Variants in ERC2 observed in about 807,000 individuals in gnomAD.
The protein encoded by ERC2 is ERC protein 2.
ERC2 carries 42 observed loss-of-function variants against 114.8 expected under a neutral mutation model. The ratio of observed to expected loss-of-function variants is 0.37; its 90% CI spans 0.29 to 0.47. ERC2 has a LOEUF of 0.47. Ranked by LOEUF, ERC2 falls within the 20% of genes least tolerant of loss-of-function variation. The pLI, the probability that ERC2 is intolerant of heterozygous loss-of-function variation, is 0.99. For synonymous variants in ERC2, 454 were observed against 425.5 expected (o/e 1.07, Z -0.82); for missense variants, 939 against 1,150.7 (o/e 0.82, Z 2.66).
chr3:56,019,431 A>G (rs2073547317), intron 7 of ERC2, among the ~76,000 whole-genome samples: 1 of 152,234 alleles, frequency 6.6e-6, no homozygotes, highest in Admixed American at 6.5e-5. Flanking sequence ...TGGAGAGCCC[A>G]TTCTGCACCA....
At chr3:55,583,544 TCTTCCTTCCTTCCTTCCTTCCTTC>T (rs377125700) in intron 17 of ERC2, among the ~76,000 whole-genome samples, 1 of 39,026 alleles carries the variant, frequency 2.6e-5, no homozygotes, top group Non-Finnish European at 4.6e-5. Flanking sequence ...TTCCTTCCTT[TCTTCCTTCCTTCCTTCCTTCCTTC>T]CTTCCTTCCT....
chr3:55,950,890 T>G (rs1033141867), intron 12 of ERC2, among the ~76,000 whole-genome samples: 3 of 152,104 alleles, frequency 2.0e-5, no homozygotes, highest in African/African-American at 7.2e-5. Context: ...TAGCATGCTG[T>G]GAGAGACAGT....
rs531005742 is a variant in ERC2 at position 55,939,889 on chromosome 3, C to T, written c.2403+10536G>A. On this transcript the variant is annotated intron_variant, in intron 13 of 17. Coordinates refer to ENST00000288221, the MANE Select transcript of ERC2 (RefSeq NM_015576.3). ...ACTGTCAGAGTTCTAATCCATCTTG[C>T]ACCAAAAAAGTAACAATTGGTGGAT... Among the ~76,000 whole-genome samples the T allele has an allele frequency of 3.9e-5, 6 of 152,294 alleles. No individual in the cohort carries two copies. The South Asian group carries it at 8.3e-4, about 21-fold the overall frequency.
intron 6 of ERC2, among the ~76,000 whole-genome samples, chr3:56,113,589 A>G (rs1344220748): frequency 1.3e-5 from 2 of 152,164 alleles, no homozygotes; most frequent in Non-Finnish European, 2.9e-5. Flanking sequence ...TCTGACACCA[A>G]ATGTATGGGG....
chr3:56,117,643 T>G (rs555256781), intron 6 of ERC2, among the ~76,000 whole-genome samples: 2 of 151,980 alleles, frequency 1.3e-5, no homozygotes, highest in Non-Finnish European at 2.9e-5. Flanking sequence ...GCAGGTAGAG[T>G]GTGGGCATGA....
intron 2 of ERC2, among the ~76,000 whole-genome samples, chr3:56,363,931 G>A (rs1017398350): frequency 6.6e-6 from 1 of 151,964 alleles, no homozygotes; most frequent in Non-Finnish European, 1.5e-5. Flanking sequence ...GGGAAGGAAA[G>A]CAAGGGAATG....
At chr3:56,463,363 C>T (rs1372152345) in intron 1 of ERC2, among the ~76,000 whole-genome samples, 1 of 152,202 alleles carries the variant, frequency 6.6e-6, no homozygotes, top group Non-Finnish European at 1.5e-5. Context: ...AGTATACCAC[C>T]CACGTGTGTC....
intron 3 of ERC2, among the ~76,000 whole-genome samples, chr3:56,222,407 C>T (rs2049970244): frequency 6.6e-6 from 1 of 152,188 alleles, no homozygotes; most frequent in African/African-American, 2.4e-5. Flanking sequence ...TCATGGAACA[C>T]CATGGACACA....
chr3:55,959,242 T>A (rs975491916), intron 12 of ERC2, among the ~76,000 whole-genome samples: 1 of 152,218 alleles, frequency 6.6e-6, no homozygotes, highest in Non-Finnish European at 1.5e-5. Context: ...ATTTTCCTTG[T>A]AGATATTTCA....
intron 14 of ERC2, among the ~76,000 whole-genome samples, chr3:55,787,841 C>T (rs2069638637): frequency 6.6e-6 from 1 of 152,176 alleles, no homozygotes; most frequent in South Asian, 2.1e-4. Flanking sequence ...AAGTGGCATC[C>T]TCCTGAAACA....
At chr3:56,038,395 G>T (rs553440238) in intron 7 of ERC2, among the ~76,000 whole-genome samples, 21 of 152,090 alleles carry the variant, frequency 1.4e-4, no homozygotes, top group African/African-American at 5.1e-4. Flanking sequence ...ACTATCTCAC[G>T]CCAGTCAAAT....
chr3:56,275,925 G>T (rs1166503764), intron 3 of ERC2, among the ~76,000 whole-genome samples: 1 of 152,186 alleles, frequency 6.6e-6, no homozygotes, highest in Non-Finnish European at 1.5e-5. Flanking sequence ...CCCCAGCAAA[G>T]AACTATCCAG....
At chr3:56,370,769 A>G (rs1212806119) in intron 2 of ERC2, among the ~76,000 whole-genome samples, 1 of 151,500 alleles carries the variant, frequency 6.6e-6, no homozygotes, top group East Asian at 1.9e-4. Flanking sequence ...TAATTTTTGT[A>G]TGTTTAGTAG....
chr3:55,750,150 G>A (rs1291040164), intron 14 of ERC2, among the ~76,000 whole-genome samples: 1 of 133,528 alleles, frequency 7.5e-6, no homozygotes, highest in East Asian at 2.2e-4. Flanking sequence ...AACTGATCTG[G>A]TAAAGAAAAA....
At chr3:56,454,395 A>G (rs17825469) in intron 1 of ERC2, among the ~76,000 whole-genome samples, 4,810 of 152,296 alleles carry the variant, frequency 0.032, 103 homozygotes, top group Non-Finnish European at 0.05. Flanking sequence ...TTAAACCTGG[A>G]TAAGCTAGTC....
chr3:55,630,745 C>T (rs932545910), intron 17 of ERC2, among the ~76,000 whole-genome samples: 6 of 152,174 alleles, frequency 3.9e-5, no homozygotes, highest in African/African-American at 9.7e-5. Context: ...TCCCTGCTTC[C>T]GCCTCTAGGT....
chr3:56,216,833 C>G (rs1190361879), intron 3 of ERC2, among the ~76,000 whole-genome samples: 7 of 152,174 alleles, frequency 4.6e-5, no homozygotes, highest in African/African-American at 2.4e-5. Flanking sequence ...AAGGCTGGTT[C>G]AACAAACGCA....
chr3:55,866,979 A>G (rs891582078), intron 14 of ERC2, among the ~76,000 whole-genome samples: 4 of 152,140 alleles, frequency 2.6e-5, no homozygotes, highest in African/African-American at 7.2e-5. Flanking sequence ...TGGTTATACA[A>G]TGATATAATT....
At chr3:55,729,280 G>A (rs549831284) in intron 15 of ERC2, among the ~76,000 whole-genome samples, 12 of 152,080 alleles carry the variant, frequency 7.9e-5, no homozygotes, top group East Asian at 5.8e-4. Flanking sequence ...AAACACACAC[G>A]TACACTTCTG....
Sources: allele counts gnomAD v4.1 joint callset (sites outside exome capture counted in the v4.1 genomes callset), GRCh38; gene constraint gnomAD v4.1.1; transcripts MANE v1.5; gene names NCBI Gene and HGNC (gene_info 2026-07-23, HGNC 2026-07-21).